The following IL1R1 variants were observed in gnomAD, a reference collection of about 807,000 sequenced individuals.
The protein encoded by IL1R1 is interleukin 1 receptor type 1.
In IL1R1, 22 loss-of-function variants were observed where a neutral mutation model predicts 50.2. The observed-to-expected ratio is 0.44, with a 90% CI of 0.31 to 0.63. IL1R1 has a LOEUF of 0.63. IL1R1 is among the 20% of genes least tolerant of loss of function. IL1R1 has a pLI of 0.07. For missense variants in IL1R1, 509 were observed against 676.2 expected, an observed-to-expected ratio of 0.75 and a Z score of 2.74; for synonymous variants, 251 against 236.7, an observed-to-expected ratio of 1.06 and a Z score of -0.55.
At chr2:102,088,985 A>G (rs762044807) in intron 1 of IL1R1, among the ~76,000 whole-genome samples, 6 of 152,166 alleles carry the variant, frequency 3.9e-5, no homozygotes, top group Non-Finnish European at 8.8e-5. Flanking sequence ...GGATTAAGAG[A>G]ATGTTGGGTC....
intron 1 of IL1R1, among the ~76,000 whole-genome samples, chr2:102,106,894 C>A (rs1308341585): frequency 6.6e-6 from 1 of 152,150 alleles, no homozygotes; most frequent in Non-Finnish European, 1.5e-5. Flanking sequence ...AACAGTACTA[C>A]AACTATGTTC....
At chr2:102,175,092 G>T (rs1003660150) in intron 10 of IL1R1, among the ~76,000 whole-genome samples, 1 of 95,222 alleles carries the variant, frequency 1.1e-5, no homozygotes, top group Non-Finnish European at 1.9e-5. Flanking sequence ...CATCAGGGAG[G>T]TTCTCTCTCT....
chr2:102,140,877 G>T (rs1262509724), upstream of IL1R1, among the ~76,000 whole-genome samples: 2 of 152,124 alleles, frequency 1.3e-5, no homozygotes, highest in Admixed American at 1.3e-4. Context: ...GTGTTGGGCG[G>T]GTGTTTGAGA....
At chr2:102,161,147 A>G (rs1297727306) in intron 3 of IL1R1, among the ~76,000 whole-genome samples, 1 of 152,162 alleles carries the variant, frequency 6.6e-6, no homozygotes, top group Non-Finnish European at 1.5e-5. Flanking sequence ...TGTTTTCCTT[A>G]TCATTCAGAT....
intron 1 of IL1R1, among the ~76,000 whole-genome samples, chr2:102,122,110 G>C (rs1321784357): frequency 2.0e-5 from 3 of 152,132 alleles, no homozygotes; most frequent in African/African-American, 7.2e-5. Context: ...GCCATGGACT[G>C]GTTTCCATGC....
intron 1 of IL1R1, among the ~76,000 whole-genome samples, chr2:102,112,950 C>A (rs1680857369): frequency 6.6e-6 from 1 of 152,206 alleles, no homozygotes; most frequent in South Asian, 2.1e-4. Flanking sequence ...AGCTAGCTCT[C>A]TTTCTACCAT....
At chr2:102,123,500 C>A (rs374630475) in intron 1 of IL1R1, among the ~76,000 whole-genome samples, 16 of 152,022 alleles carry the variant, frequency 1.1e-4, no homozygotes, top group African/African-American at 3.9e-4. Context: ...CATAGGACAG[C>A]CACAGTGGCT....
In IL1R1 at chr2:102,165,396, T is replaced by G. The variant is rs3917288; in HGVS notation, c.486+92T>G. 0.02 allele frequency: 12,465 copies of G among 611,314 alleles called. 1,181 individuals carry two copies. In the African/African-American group the frequency reaches 0.21, roughly 10 times the overall value. The allele number at this position is 611,314 out of a possible 1,614,324, so 37.9% of individuals were successfully genotyped here. On this transcript the variant is annotated intron_variant, in intron 5 of 11. Coordinates refer to ENST00000410023, the MANE Select transcript of IL1R1 (RefSeq NM_000877.4). Reference sequence around the variant, plus strand: ...TGTATCTGCAAAGTACCTTTTTATTTTGTATATTGTTTTCTCTTTAATGGT... The same window carrying G: ...TGTATCTGCAAAGTACCTTTTTATTGTGTATATTGTTTTCTCTTTAATGGT...
rs2104574353 is a variant in IL1R1, at chr2:102,165,018, G to A, written c.296+10G>A. ...ACTATTGCGTGGTAAGGTAAGAGAG[G>A]AATTAGTATGTTACAAACATGTTCT... On this transcript the variant is annotated intron_variant, in intron 4 of 11. Transcript: ENST00000410023. 1 of 1,604,874 alleles carries A rather than the reference G, an allele frequency of 6.2e-7. No homozygotes were observed. The highest frequency in any genetic ancestry group is 2.2e-5 in the East Asian group (1 of 44,806).
chr2:102,137,204 C>T (rs1012650752), intron 1 of IL1R1, among the ~76,000 whole-genome samples: 11 of 152,236 alleles, frequency 7.2e-5, no homozygotes, highest in South Asian at 2.1e-4. Context: ...TGAAGTTATA[C>T]GGTACAAGAT....
intron 1 of IL1R1, among the ~76,000 whole-genome samples, chr2:102,095,037 T>A (rs1429075141): frequency 6.6e-6 from 1 of 152,158 alleles, no homozygotes; most frequent in South Asian, 2.1e-4. Context: ...CATGGGCTTA[T>A]ACATATGACA....
At position 102,164,959 on chromosome 2, in the gene IL1R1, T is replaced by C; in HGVS notation, c.247T>C (p.Phe83Leu). 1 of 1,614,146 alleles carries C rather than the reference T, an allele frequency of 6.2e-7. No homozygotes were observed. The highest frequency in any genetic ancestry group is 8.5e-7 in the Non-Finnish European group (1 of 1,179,986). The change falls in exon 4 of 12, where the codon TTT (phenylalanine) becomes CTT (leucine). Residue 83 changes from phenylalanine (F) to leucine (L), a missense_variant. Phe to Leu is a conservative substitution (Grantham distance 22, BLOSUM62 0). Coordinates refer to ENST00000410023, the MANE Select transcript of IL1R1 (RefSeq NM_000877.4). ...RIHQHKEKLW[F>L]VPAKVEDSGH... Reference sequence around the variant, plus strand: ...TCATCAACACAAAGAGAAACTTTGGTTTGTTCCTGCTAAGGTGGAGGATTC... The same window carrying C: ...TCATCAACACAAAGAGAAACTTTGGCTTGTTCCTGCTAAGGTGGAGGATTC...
Position 102,092,891 on chromosome 2 carries a change from G to C in IL1R1, c.-84+22358G>C, listed in dbSNP as rs140813061. Among the ~76,000 whole-genome samples, 598 of 152,168 alleles carry C rather than the reference G, an allele frequency of 3.9e-3. 3 individuals are homozygous for C. Among genetic ancestry groups the C allele is most frequent in the African/African-American group, 0.014 (566 of 41,488 alleles). ...ATCTTGTCTATAGAGGTTTACTCAG[G>C]ATTGAATGAAATTTCGCCAAGATGT... On this transcript the variant is annotated intron_variant, in intron 1 of 11. Transcript: ENST00000409929.
rs551580464 is a variant in IL1R1 at position 102,177,169 on chromosome 2, G to A, written c.*410G>A. Reference sequence around the variant, plus strand: ...TAATCCCAGCTACACCTGAGGCTGAGGCAGGAGAATTGCTTGAACCGGGGA... The same window carrying A: ...TAATCCCAGCTACACCTGAGGCTGAAGCAGGAGAATTGCTTGAACCGGGGA... On this transcript the variant is annotated 3_prime_UTR_variant, in exon 12 of 12. Transcript: ENST00000410023. 11 of 194,572 alleles carry A rather than the reference G, an allele frequency of 5.7e-5. No individual in the cohort carries two copies. Among genetic ancestry groups the A allele is most frequent in the Non-Finnish European group, 2.2e-5 (2 of 91,394 alleles). The allele number at this position is 194,572 out of a possible 1,614,324, so 12.1% of individuals were successfully genotyped here. A position where few individuals can be genotyped will look rare whatever the true frequency, so the allele number is the denominator to read the frequency against.
At chr2:102,126,865 C>T (rs1374042740) in intron 1 of IL1R1, among the ~76,000 whole-genome samples, 4 of 152,216 alleles carry the variant, frequency 2.6e-5, no homozygotes, top group Admixed American at 2.6e-4. Context: ...CACCAGATCC[C>T]TCTGACATAT....
At chr2:102,132,173 C>G (rs1245369924) in intron 1 of IL1R1, among the ~76,000 whole-genome samples, 2 of 151,400 alleles carry the variant, frequency 1.3e-5, no homozygotes, top group Non-Finnish European at 2.9e-5. Flanking sequence ...ACCTGCACTA[C>G]AAAAATGTTA....
chr2:102,133,821 C>T (rs928108101), intron 1 of IL1R1, among the ~76,000 whole-genome samples: 2 of 152,048 alleles, frequency 1.3e-5, no homozygotes, highest in African/African-American at 4.8e-5. Flanking sequence ...TGAAAGCTAT[C>T]CTCCTAGGAT....
In IL1R1 at chr2:102,157,590, A is replaced by G. The variant is rs181298286; in HGVS notation, c.-6-129A>G. The G allele has an allele frequency of 5.3e-5, 36 of 673,468 alleles. No individual in the cohort carries two copies. In the African/African-American group the frequency reaches 6.2e-4, roughly 12 times the overall value. The allele number at this position is 673,468 out of a possible 1,614,324, so 41.7% of individuals were successfully genotyped here. A position where few individuals can be genotyped will look rare whatever the true frequency, so the allele number is the denominator to read the frequency against. ...ATGACAACATTCATGATGTAGAAAA[A>G]CCAGTTCATCAGTGTGACTTGTGGG... On this transcript the variant is annotated intron_variant, in intron 2 of 11. Transcript: ENST00000410023.
At chr2:102,144,354 G>A (rs537505495) in intron 1 of IL1R1, among the ~76,000 whole-genome samples, 2 of 152,300 alleles carry the variant, frequency 1.3e-5, no homozygotes, top group South Asian at 4.1e-4. Context: ...TGGCCTCCAT[G>A]CTGTTCAGGA....
Sources: gnomAD v4.1 joint callset for allele counts (sites outside exome capture counted in the v4.1 genomes callset) on GRCh38, gnomAD v4.1.1 for gene constraint, MANE v1.5 for transcripts, NCBI Gene and HGNC (gene_info 2026-07-23, HGNC 2026-07-21) for gene names.